The following VRK2 variants were observed in gnomAD, a reference collection of about 807,000 sequenced individuals.
The protein encoded by VRK2 is VRK serine/threonine kinase 2, also known as serine/threonine-protein kinase VRK2.
A neutral mutation model predicts 57.6 loss-of-function variants in VRK2; 60 were observed. The ratio of observed to expected loss-of-function variants is 1.04; its 90% confidence interval spans 0.85 to 1.29. The LOEUF (loss-of-function observed/expected upper bound fraction) is 1.29, where lower values mean the gene tolerates loss of function less well. VRK2 is among the 50% of genes most tolerant of loss of function. The pLI is 0.00. For missense variants in VRK2, 705 were observed against 588.1 expected (o/e 1.20, Z -2.06); for synonymous variants, 231 against 199.2 (o/e 1.16, Z -1.35).
intron 11 of VRK2, among the ~76,000 whole-genome samples, chr2:58,143,142 C>T (rs1681588434): frequency 1.3e-5 from 2 of 151,860 alleles, no homozygotes; most frequent in South Asian, 4.1e-4. Context: ...CTATGAACTT[C>T]TCTTTATTTT....
intron 1 of VRK2, among the ~76,000 whole-genome samples, chr2:57,996,346 T>C (rs1018384203): frequency 6.6e-6 from 1 of 152,178 alleles, no homozygotes; most frequent in Admixed American, 6.5e-5. Flanking sequence ...TTCTGAAAAC[T>C]GACAAAATAA....
At chr2:58,139,069 G>T (rs1384413984) in intron 10 of VRK2, among the ~76,000 whole-genome samples, 1 of 152,086 alleles carries the variant, frequency 6.6e-6, no homozygotes, top group African/African-American at 2.4e-5. Context: ...TCCTCCCACT[G>T]CTCTAAAATC....
In VRK2 at chr2:58,007,979, T is replaced by C. The variant is rs1223815143; in HGVS notation, c.-438-17686T>C. Among the ~76,000 whole-genome samples the C allele has an allele frequency of 2.6e-5, 4 of 152,178 alleles. No individual in the cohort carries two copies. In the East Asian group the frequency reaches 7.7e-4, roughly 29 times the overall value. ...AATGCTGACTACTTTAACAAACTTG[T>C]CTCTGTAAATAACAGAAGAAGAAAA... On this transcript the variant is annotated intron_variant, in intron 1 of 15. Coordinates refer to the VRK2 transcript ENST00000417641.
At chr2:58,004,259 A>G (rs1673177966) in intron 1 of VRK2, among the ~76,000 whole-genome samples, 1 of 152,060 alleles carries the variant, frequency 6.6e-6, no homozygotes, top group African/African-American at 2.4e-5. Context: ...TATAGTTCCT[A>G]CCAAGGTAGT....
intron 1 of VRK2, among the ~76,000 whole-genome samples, chr2:57,937,935 G>A (rs532318904): frequency 7.5e-5 from 11 of 146,714 alleles, no homozygotes; most frequent in Non-Finnish European, 1.3e-4. Context: ...GGGTTCAAGC[G>A]ATTCTCCTGC....
At chr2:58,137,150 ATGTGTT>A (rs372955885) in intron 10 of VRK2, among the ~76,000 whole-genome samples, 29 of 20,984 alleles carry the variant, frequency 1.4e-3, no homozygotes, top group Admixed American at 2.6e-3. Flanking sequence ...CATATATATC[ATGTGTT>A]TATATATATC....
At chr2:57,954,231 C>T (rs1489429228) in intron 1 of VRK2, among the ~76,000 whole-genome samples, 2 of 152,028 alleles carry the variant, frequency 1.3e-5, no homozygotes, top group Non-Finnish European at 2.9e-5. Context: ...TATTTTTACC[C>T]AAATCATCTA....
intron 1 of VRK2, among the ~76,000 whole-genome samples, chr2:57,926,586 C>A (rs1330424612): frequency 1.3e-5 from 2 of 151,252 alleles, no homozygotes; most frequent in Non-Finnish European, 3.0e-5. Flanking sequence ...ACCCCTTTAT[C>A]ATGATATAAT....
chr2:57,947,250 G>C (rs1484024846), intron 1 of VRK2, among the ~76,000 whole-genome samples: 2 of 152,116 alleles, frequency 1.3e-5, no homozygotes, highest in Admixed American at 6.6e-5. Flanking sequence ...AATGGGTCTA[G>C]AAATTTTAAA....
intron 7 of VRK2, among the ~76,000 whole-genome samples, chr2:58,092,912 T>C (rs932369654): frequency 7.9e-5 from 12 of 151,946 alleles, no homozygotes; most frequent in Non-Finnish European, 1.8e-4. Flanking sequence ...GAACATGCGG[T>C]GTTTGGTTTT....
At chr2:57,923,028 CAT>C (rs1670406448) in intron 1 of VRK2, among the ~76,000 whole-genome samples, 1 of 152,010 alleles carries the variant, frequency 6.6e-6, no homozygotes. Context: ...CAGTTCCATC[CAT>C]GTTGTTGCAA....
At chr2:58,016,991 T>C (rs1166287106) in intron 1 of VRK2, among the ~76,000 whole-genome samples, 1 of 152,190 alleles carries the variant, frequency 6.6e-6, no homozygotes, top group East Asian at 1.9e-4. Flanking sequence ...GGGTTTCCTT[T>C]TCTAACTTTT....
intron 2 of VRK2, among the ~76,000 whole-genome samples, chr2:58,056,637 C>A (rs1469745755): frequency 2.0e-5 from 3 of 152,158 alleles, no homozygotes; most frequent in African/African-American, 7.2e-5. Flanking sequence ...CTCATCTTCC[C>A]ATTCTGCATC....
intron 12 of VRK2, among the ~76,000 whole-genome samples, chr2:58,158,856 C>T (rs777182078): frequency 1.3e-5 from 2 of 152,160 alleles, no homozygotes; most frequent in Non-Finnish European, 2.9e-5. Context: ...AGACATAACA[C>T]TATAGCTACC....
chr2:58,012,869 T>G (rs566168354), intron 1 of VRK2, among the ~76,000 whole-genome samples: 1 of 152,360 alleles, frequency 6.6e-6, no homozygotes, highest in African/African-American at 2.4e-5. Flanking sequence ...AATATTTTAG[T>G]TACCATTATG....
chr2:58,136,486 G>C (rs185434635), intron 10 of VRK2, among the ~76,000 whole-genome samples: 4 of 151,620 alleles, frequency 2.6e-5, no homozygotes, highest in Admixed American at 6.6e-5. Context: ...CTAGGTTCAA[G>C]CGATTCTTCT....
At chr2:57,940,010 A>G (rs115409338) in intron 1 of VRK2, among the ~76,000 whole-genome samples, 2,050 of 152,318 alleles carry the variant, frequency 0.013, 72 homozygotes, top group African/African-American at 0.047. Flanking sequence ...TTCTCGAAAT[A>G]GAAATCTCAC....
At chr2:57,975,370 C>A (rs1338165955) in intron 1 of VRK2, among the ~76,000 whole-genome samples, 1 of 152,002 alleles carries the variant, frequency 6.6e-6, no homozygotes, top group Non-Finnish European at 1.5e-5. Flanking sequence ...ACTCTATAGA[C>A]TTTTTATATT....
chr2:57,994,129 G>T (rs528991486), intron 1 of VRK2, among the ~76,000 whole-genome samples: 47 of 152,232 alleles, frequency 3.1e-4, no homozygotes, highest in African/African-American at 1.1e-3. Context: ...GTCGATGGAT[G>T]CTTCTATTTG....
Sources: allele counts gnomAD v4.1 joint callset (sites outside exome capture counted in the v4.1 genomes callset), GRCh38; gene constraint gnomAD v4.1.1; transcripts MANE v1.5; gene names NCBI Gene and HGNC (gene_info 2026-07-23, HGNC 2026-07-21).